The following SLC15A5 variants were observed in gnomAD, a reference collection of about 807,000 sequenced individuals.
The protein encoded by SLC15A5 is solute carrier family 15 member 5, also known as Peptide/histidine transporter ENSP00000340402.
A neutral mutation model predicts 56.1 loss-of-function variants in SLC15A5; 58 were observed. The ratio of observed to expected loss-of-function variants is 1.03; its 90% CI spans 0.84 to 1.29. SLC15A5 has a LOEUF of 1.29. Ranked by LOEUF, SLC15A5 falls within the 50% of genes most tolerant of loss-of-function variation. The probability of loss-of-function intolerance (pLI) is 0.00; values close to 1 mark genes in which losing one functional copy is unlikely to be tolerated. For missense variants in SLC15A5, 681 were observed against 672.1 expected, an observed-to-expected ratio of 1.01 and a Z score of -0.15; for synonymous variants, 264 against 250.5, an observed-to-expected ratio of 1.05 and a Z score of -0.51.
In SLC15A5 at chr12:16,216,879, GA is replaced by G; in HGVS notation, c.1483+13del. The G allele has an allele frequency of 1.3e-6, 2 of 1,532,944 alleles. No individual in the cohort carries two copies. Among genetic ancestry groups the G allele is most frequent in the Non-Finnish European group, 1.7e-6 (2 of 1,145,088 alleles). 95.0% of individuals were successfully genotyped at this position (1,532,944 alleles called of 1,614,324 possible). On this transcript the variant is annotated intron_variant, in intron 7 of 8. Transcript: ENST00000344941. ...AACTCAATGTATATAAGCATGCCAC[GA>G]ACCTATTTTTACCATCTGAGATGAG...
chr12:16,224,011 C>T (rs6488829), intron 6 of SLC15A5, among the ~76,000 whole-genome samples: 81,766 of 151,992 alleles, frequency 0.54, 22,297 homozygotes, highest in South Asian at 0.73. Flanking sequence ...CCACCGCACC[C>T]GGCCTGTGAG....
chr12:16,263,298 CA>C (rs1565674118), intron 2 of SLC15A5, among the ~76,000 whole-genome samples: 1 of 152,150 alleles, frequency 6.6e-6, no homozygotes, highest in African/African-American at 2.4e-5. Context: ...AGACTGGCAC[CA>C]TTTTGCCCCT....
intron 2 of SLC15A5, among the ~76,000 whole-genome samples, chr12:16,266,828 TA>T (rs1864702257): frequency 1.3e-5 from 2 of 152,270 alleles, no homozygotes; most frequent in South Asian, 4.1e-4. Flanking sequence ...AAAGCAGCAG[TA>T]AAAATATGTT....
rs888085399 is a variant in SLC15A5 at position 16,233,723 on chromosome 12, A to C, written c.1162+5958T>G. ...TTGGGCCACTTTCTTTGTCTTTGAT[A>C]CTGAAAGTGTCCTCCCTGACCAGTA... On this transcript the variant is annotated intron_variant, in intron 5 of 8. Transcript: ENST00000344941. 5.4e-4 allele frequency among the ~76,000 whole-genome samples: 83 copies of C among 152,302 alleles called. 1 individual carries two copies. Among genetic ancestry groups the C allele is most frequent in the African/African-American group, 1.9e-3 (77 of 41,564 alleles).
chr12:16,192,153 C>T (rs1298780586), intron 8 of SLC15A5, among the ~76,000 whole-genome samples: 1 of 151,964 alleles, frequency 6.6e-6, no homozygotes. Context: ...GATCTATATG[C>T]CAAGAAGGTG....
At chr12:16,189,917 A>G in intron 8 of SLC15A5, 102 bp from the exon 9 acceptor site, 2 of 838,960 alleles carry the variant, frequency 2.4e-6, no homozygotes, top group Non-Finnish European at 3.4e-6. Context: ...TGATGGGCTC[A>G]TAGATACTGG....
At chr12:16,208,580 T>A (rs563826194) in intron 7 of SLC15A5, among the ~76,000 whole-genome samples, 1 of 152,060 alleles carries the variant, frequency 6.6e-6, no homozygotes, top group Non-Finnish European at 1.5e-5. Context: ...GGCAGGAGGA[T>A]CCTTTGAGCC....
intron 5 of SLC15A5, among the ~76,000 whole-genome samples, chr12:16,232,173 CTA>C (rs1466533798): frequency 6.6e-6 from 1 of 152,010 alleles, no homozygotes; most frequent in Non-Finnish European, 1.5e-5. Context: ...TAATAAGTAG[CTA>C]TGAAAAAAGA....
intron 7 of SLC15A5, among the ~76,000 whole-genome samples, chr12:16,197,883 T>C (rs1418222079): frequency 2.6e-5 from 4 of 152,130 alleles, no homozygotes; most frequent in Admixed American, 2.6e-4. Flanking sequence ...GTAATTCACA[T>C]TTGTGCCATT....
chr12:16,198,857 C>G (rs1281703950), intron 7 of SLC15A5, among the ~76,000 whole-genome samples: 1 of 152,060 alleles, frequency 6.6e-6, no homozygotes, highest in Non-Finnish European at 1.5e-5. Context: ...GTTTATTTCT[C>G]TTCTATCTAA....
At chr12:16,245,419 G>A (rs541795039) in intron 3 of SLC15A5, among the ~76,000 whole-genome samples, 33 of 152,296 alleles carry the variant, frequency 2.2e-4, no homozygotes, top group Non-Finnish European at 3.8e-4. Context: ...GTTTCTTCTA[G>A]GTTTACATGG....
intron 2 of SLC15A5, among the ~76,000 whole-genome samples, chr12:16,266,468 A>G (rs1172093159): frequency 1.3e-5 from 2 of 152,188 alleles, no homozygotes; most frequent in Non-Finnish European, 2.9e-5. Flanking sequence ...ATAGTACTGA[A>G]TATGTATGTC....
chr12:16,223,120 ATGT>A (rs1329555729), intron 6 of SLC15A5, among the ~76,000 whole-genome samples: 4 of 151,566 alleles, frequency 2.6e-5, no homozygotes, highest in Non-Finnish European at 5.9e-5. Flanking sequence ...TATCATAAGT[ATGT>A]GTGTGTATAA....
At chr12:16,264,801 G>A (rs1799466) in intron 2 of SLC15A5, among the ~76,000 whole-genome samples, 67,876 of 152,020 alleles carry the variant, frequency 0.45, 15,357 homozygotes, top group South Asian at 0.61. Context: ...TGCCATCTGT[G>A]TAAGACATGA....
At position 16,244,796 on chromosome 12, in the gene SLC15A5, AC is replaced by A; in HGVS notation, c.758del (p.Cys253PhefsTer4). On this transcript the variant is annotated frameshift_variant, in exon 4 of 9. Coordinates refer to ENST00000344941, the MANE Select transcript of SLC15A5 (RefSeq NM_001170798.1). LOFTEE classifies it high-confidence loss of function. ...ACACCCCAACGCCTGTCAGGAGAGA[AC>A]AACCTGCAAGTAATCGGAGATATTA... Reference protein sequence around the residue: ...YNLIYQSEKRCSLLTGVGVLV... With the variant: ...YNLIYQSEKRXSLLTGVGVLV... 6.5e-7 allele frequency: 1 copy of A among 1,537,656 alleles called. No homozygotes were observed. The highest frequency in any genetic ancestry group is 2.4e-5 in the East Asian group (1 of 40,914).
In SLC15A5 at chr12:16,196,550, G is replaced by C. The variant is rs1261360745; in HGVS notation, c.1484-2097C>G. On this transcript the variant is annotated intron_variant, in intron 7 of 8. Coordinates refer to ENST00000344941, the MANE Select transcript of SLC15A5 (RefSeq NM_001170798.1). This position sits in a 1 kb window ranked among gnomAD's most constrained non-coding sequence, Gnocchi z 4.0. ...ATCCTTCTAAGCCTATTCAAACAGT[G>C]CTATTTTTTCCCCTCTTGAATTAAT... Among the ~76,000 whole-genome samples the C allele has an allele frequency of 6.6e-6, 1 of 152,004 alleles. No homozygotes were observed. Among genetic ancestry groups the C allele is most frequent in the East Asian group, 1.9e-4 (1 of 5,178 alleles).
chr12:16,194,978 C>T (rs892457665), intron 7 of SLC15A5, among the ~76,000 whole-genome samples: 1 of 151,966 alleles, frequency 6.6e-6, no homozygotes, highest in Non-Finnish European at 1.5e-5. Flanking sequence ...ATGATAATAT[C>T]ACAGACCTCA....
Position 16,189,059 on chromosome 12 carries a change from A to G in SLC15A5, c.*609T>C, listed in dbSNP as rs867073089. ...TTCCATAACTTACATTTATTTTTCA[A>G]CTTTTTTAGTATGCGGACATTCTCT... On this transcript the variant is annotated 3_prime_UTR_variant, in exon 9 of 9. Transcript: ENST00000344941. The G allele has an allele frequency of 2.6e-5, 4 of 151,924 alleles. No individual in the cohort carries two copies. Among genetic ancestry groups the G allele is most frequent in the African/African-American group, 9.7e-5 (4 of 41,348 alleles). The allele number at this position is 151,924 out of a possible 1,614,324, so 9.4% of individuals were successfully genotyped here.
intron 1 of SLC15A5, among the ~76,000 whole-genome samples, chr12:16,274,902 G>T (rs1452724492): frequency 1.3e-5 from 2 of 152,076 alleles, no homozygotes; most frequent in African/African-American, 4.8e-5. Flanking sequence ...GTAAAATGAT[G>T]CAGTAAAGAG....
Sources: gnomAD v4.1 joint callset for allele counts (sites outside exome capture counted in the v4.1 genomes callset) on GRCh38, gnomAD v4.1.1 for gene constraint, Gnocchi (gnomAD v3.1) non-coding constraint, MANE v1.5 for transcripts, NCBI Gene and HGNC (gene_info 2026-07-23, HGNC 2026-07-21) for gene names.